Variants in BANP observed in about 807,000 individuals in gnomAD.
The protein encoded by BANP is protein BANP.
A neutral mutation model predicts 68.1 loss-of-function variants in BANP; 11 were observed. The ratio of observed to expected loss-of-function variants is 0.16; its 90% CI spans 0.10 to 0.27. The LOEUF is 0.27. Among genes scored for constraint, BANP ranks in the 10% least tolerant of loss-of-function variants. BANP has a pLI of 1.00. For missense variants in BANP, 504 were observed against 722.7 expected (o/e 0.70, Z 3.47); for synonymous variants, 329 against 303.2 (o/e 1.09, Z -0.88).
intron 11 of BANP, among the ~76,000 whole-genome samples, chr16:88,063,354 T>G (rs891901357): frequency 1.3e-5 from 2 of 152,238 alleles, no homozygotes; most frequent in Non-Finnish European, 2.9e-5. Flanking sequence ...GTTGTCGTTG[T>G]GGTCCTCCCT....
At position 88,002,991 on chromosome 16, in the gene BANP, C is replaced by T. The variant is rs570589223; in HGVS notation, c.363-1304C>T. On this transcript the variant is annotated intron_variant, in intron 4 of 13. Coordinates refer to ENST00000682872, the MANE Select transcript of BANP (RefSeq NM_001386991.1). This position sits in a 1 kb window ranked among gnomAD's most constrained non-coding sequence, Gnocchi z 4.6. ...CTAGGATCCCGGGGCCACCAGTGTT[C>T]CATAGCCTCCACTTGGGGAACATAC... 6.6e-6 allele frequency among the ~76,000 whole-genome samples: 1 copy of T among 152,272 alleles called. No individual in the cohort carries two copies. Among genetic ancestry groups the T allele is most frequent in the South Asian group, 2.1e-4 (1 of 4,824 alleles).
rs143064148 is a variant in BANP at position 87,958,918 on chromosome 16, T to G, written c.-69+7403T>G. ...CCCAGAATGCGTGGAGGCTTCGGGA[T>G]CCATCCTTTGCAGACATAGAGAATT... On this transcript the variant is annotated intron_variant, in intron 1 of 13. Coordinates refer to ENST00000682872, the MANE Select transcript of BANP (RefSeq NM_001386991.1). Among the ~76,000 whole-genome samples the G allele has an allele frequency of 8.0e-3, 1,217 of 152,318 alleles. 15 individuals are homozygous for G. Among genetic ancestry groups the G allele is most frequent in the African/African-American group, 0.027 (1,137 of 41,570 alleles).
chr16:88,011,656 G>A (rs1339473841), intron 6 of BANP, among the ~76,000 whole-genome samples: 3 of 152,196 alleles, frequency 2.0e-5, no homozygotes, highest in Non-Finnish European at 4.4e-5. Context: ...CTTGCAGAAT[G>A]TCAGTGTTAC....
chr16:88,011,365 G>A (rs1397275004), intron 6 of BANP, among the ~76,000 whole-genome samples: 9 of 152,102 alleles, frequency 5.9e-5, no homozygotes, highest in Admixed American at 5.9e-4. Flanking sequence ...CTTCTCAGGT[G>A]CTAGAGGCGC....
chr16:87,991,792 T>G lies in BANP; in HGVS notation c.362+7533T>G, dbSNP rs189589610. On this transcript the variant is annotated intron_variant, in intron 4 of 13. Coordinates refer to ENST00000682872, the MANE Select transcript of BANP (RefSeq NM_001386991.1). Reference sequence around the variant, plus strand: ...CTTGTTTTAGATTTTCTGTAGGATTTTTTTAAAATATGCATAATTATGTTA... The same window carrying G: ...CTTGTTTTAGATTTTCTGTAGGATTGTTTTAAAATATGCATAATTATGTTA... Among the ~76,000 whole-genome samples the G allele has an allele frequency of 6.8e-4, 104 of 152,364 alleles. 2 individuals are homozygous for G. In the East Asian group the frequency reaches 0.019, roughly 28 times the overall value.
chr16:88,016,467 C>T (rs1287930036), intron 6 of BANP, among the ~76,000 whole-genome samples: 2 of 152,212 alleles, frequency 1.3e-5, no homozygotes, highest in Non-Finnish European at 2.9e-5. Context: ...CCCTTCCCCT[C>T]CCCATGGCTT....
At chr16:88,011,856 C>T (rs1191377209) in intron 6 of BANP, among the ~76,000 whole-genome samples, 1 of 152,132 alleles carries the variant, frequency 6.6e-6, no homozygotes, top group Non-Finnish European at 1.5e-5. Flanking sequence ...CTTTTCCCAT[C>T]CCAAATATTC....
At chr16:87,953,159 G>T (rs1299580598) in intron 1 of BANP, among the ~76,000 whole-genome samples, 1 of 151,192 alleles carries the variant, frequency 6.6e-6, no homozygotes, top group African/African-American at 2.4e-5. Flanking sequence ...CAGAGCCAGG[G>T]TTCGAATTCA....
chr16:87,977,678 A>G (rs1319075359), intron 2 of BANP, among the ~76,000 whole-genome samples: 2 of 152,208 alleles, frequency 1.3e-5, no homozygotes, highest in Non-Finnish European at 2.9e-5. Context: ...TAAATTGTTG[A>G]CGTGTATGTC....
intron 2 of BANP, 138 bp downstream of exon 2, chr16:87,975,323 A>G: frequency 1.2e-6 from 1 of 848,470 alleles, no homozygotes; most frequent in African/African-American, 1.7e-5. Context: ...AATCCTAGAG[A>G]TGTGAACACT....
At position 88,007,737 on chromosome 16, in the gene BANP, G is replaced by A. The variant is rs146867089; in HGVS notation, c.655+1472G>A. 5.3e-4 allele frequency among the ~76,000 whole-genome samples: 81 copies of A among 152,226 alleles called. No homozygotes were observed. The Middle Eastern group carries it at 0.01, about 19-fold the overall frequency. On this transcript the variant is annotated intron_variant, in intron 6 of 13. Coordinates refer to ENST00000682872, the MANE Select transcript of BANP (RefSeq NM_001386991.1). ...TTTCCTGTTAGGAAGACTCATTACC[G>A]TATCTGAAACATTGAAAACAATGTC...
At chr16:88,039,005 G>C (rs558756370) in intron 11 of BANP, among the ~76,000 whole-genome samples, 2 of 152,180 alleles carry the variant, frequency 1.3e-5, no homozygotes, top group Non-Finnish European at 2.9e-5. Flanking sequence ...TCTCTGACCC[G>C]ACTGAGCCTG....
rs1488193407 is a variant in BANP, at chr16:88,057,727, A to G, written c.1312-7540A>G. 1.0e-5 allele frequency among the ~76,000 whole-genome samples: 1 copy of G among 97,202 alleles called. No individual in the cohort carries two copies. Among genetic ancestry groups the G allele is most frequent in the Non-Finnish European group, 1.9e-5 (1 of 53,350 alleles). 63.8% of individuals were successfully genotyped at this position (97,202 alleles called of 152,430 possible). On this transcript the variant is annotated intron_variant, in intron 11 of 13. Coordinates refer to ENST00000682872, the MANE Select transcript of BANP (RefSeq NM_001386991.1). This position sits in a 1 kb window ranked among gnomAD's most constrained non-coding sequence, Gnocchi z 4.6. ...GACAGTCTGACTTCTGACAAGTAAG[A>G]GAGATGGCGGGGCCATCTGGGTGGG... is the stretch of plus-strand genomic sequence containing the variant.
At chr16:88,032,665 G>A (rs2078455228) in intron 8 of BANP, among the ~76,000 whole-genome samples, 1 of 152,208 alleles carries the variant, frequency 6.6e-6, no homozygotes. Flanking sequence ...TTAATACACA[G>A]TACATCAAAG....
intron 13 of BANP, among the ~76,000 whole-genome samples, chr16:88,076,101 A>G (rs1390046950): frequency 6.6e-6 from 1 of 152,162 alleles, no homozygotes; most frequent in Non-Finnish European, 1.5e-5. Context: ...TCCTTTTAAT[A>G]TCTGTAACTC....
chr16:88,032,068 G>T (rs963373700), intron 8 of BANP, among the ~76,000 whole-genome samples: 2 of 152,116 alleles, frequency 1.3e-5, no homozygotes, highest in Non-Finnish European at 2.9e-5. Flanking sequence ...GCCTCCCAAA[G>T]TGCTGGGATT....
intron 1 of BANP, among the ~76,000 whole-genome samples, chr16:87,970,566 A>G (rs967867155): frequency 6.6e-6 from 1 of 152,236 alleles, no homozygotes; most frequent in African/African-American, 2.4e-5. Context: ...TTTTATTACC[A>G]TTAAACAAAT....
At chr16:87,987,527 C>A (rs2064744393) in intron 4 of BANP, among the ~76,000 whole-genome samples, 1 of 151,298 alleles carries the variant, frequency 6.6e-6, no homozygotes, top group Admixed American at 6.6e-5. Flanking sequence ...AGTTCCAGAC[C>A]AGCGTGGGCA....
intron 2 of BANP, among the ~76,000 whole-genome samples, chr16:87,978,141 G>A (rs551123779): frequency 6.6e-6 from 1 of 152,328 alleles, no homozygotes; most frequent in African/African-American, 2.4e-5. Flanking sequence ...CAGCCTGATT[G>A]TGATATCTTT....
Sources: gnomAD v4.1 joint callset for allele counts (sites outside exome capture counted in the v4.1 genomes callset) on GRCh38, gnomAD v4.1.1 for gene constraint, Gnocchi (gnomAD v3.1) non-coding constraint, MANE v1.5 for transcripts, NCBI Gene and HGNC (gene_info 2026-07-23, HGNC 2026-07-21) for gene names.